Variants in RBPMS observed in about 807,000 individuals in gnomAD.
The protein encoded by RBPMS is RNA binding protein, mRNA processing factor.
A neutral mutation model predicts 26.8 loss-of-function variants in RBPMS; 7 were observed. The ratio of observed to expected loss-of-function variants is 0.26; its 90% confidence interval spans 0.15 to 0.49. RBPMS has a LOEUF of 0.49. Among genes scored for constraint, RBPMS ranks in the 20% least tolerant of loss-of-function variants. RBPMS has a pLI of 0.98. For missense variants in RBPMS, 186 were observed against 250.0 expected, an observed-to-expected ratio of 0.74 and a Z score of 1.73; for synonymous variants, 96 against 93.3, an observed-to-expected ratio of 1.03 and a Z score of -0.17.
intron 1 of RBPMS, among the ~76,000 whole-genome samples, chr8:30,431,687 G>C (rs1362138636): frequency 1.3e-5 from 2 of 152,108 alleles, no homozygotes; most frequent in Non-Finnish European, 2.9e-5. Flanking sequence ...CAGACCTCAG[G>C]TGATCCGGCC....
At chr8:30,460,792 C>T (rs192214619) in intron 1 of RBPMS, among the ~76,000 whole-genome samples, 155 of 152,202 alleles carry the variant, frequency 1.0e-3, no homozygotes, top group African/African-American at 3.6e-3. Context: ...TGTGGTGGCT[C>T]ACGCCTGTAA....
intron 8 of RBPMS, among the ~76,000 whole-genome samples, chr8:30,570,376 A>C (rs1239055585): frequency 6.6e-6 from 1 of 152,242 alleles, no homozygotes; most frequent in Non-Finnish European, 1.5e-5. Context: ...TGACTGAATA[A>C]TACAATATAG....
intron 5 of RBPMS, among the ~76,000 whole-genome samples, chr8:30,529,892 T>C (rs2151008336): frequency 1.3e-5 from 2 of 152,176 alleles, no homozygotes; most frequent in East Asian, 3.9e-4. Flanking sequence ...TAGCTGGGAT[T>C]GCAGGCATGT....
intron 6 of RBPMS, 88 bp downstream of exon 6, chr8:30,544,712 AC>A: frequency 6.2e-7 from 1 of 1,603,620 alleles, no homozygotes; most frequent in Middle Eastern, 1.7e-4. Flanking sequence ...TACAACTAAC[AC>A]CTATCCAGCT....
intron 1 of RBPMS, among the ~76,000 whole-genome samples, chr8:30,389,602 C>T (rs543323266): frequency 6.6e-6 from 1 of 151,852 alleles, no homozygotes; most frequent in Non-Finnish European, 1.5e-5. Flanking sequence ...AGAAATTTAC[C>T]CTAAGAAAAC....
At chr8:30,465,597 G>C (rs1425516132) in intron 1 of RBPMS, among the ~76,000 whole-genome samples, 1 of 152,142 alleles carries the variant, frequency 6.6e-6, no homozygotes, top group Non-Finnish European at 1.5e-5. Flanking sequence ...GACCAGCCTG[G>C]CCAACATGGC....
At chr8:30,458,227 G>T (rs1404593141) in intron 1 of RBPMS, among the ~76,000 whole-genome samples, 1 of 152,032 alleles carries the variant, frequency 6.6e-6, no homozygotes, top group African/African-American at 2.4e-5. Flanking sequence ...GAATATTTTT[G>T]ATCTGTGGTT....
intron 1 of RBPMS, among the ~76,000 whole-genome samples, chr8:30,409,834 C>T (rs10098194): frequency 0.28 from 43,150 of 151,626 alleles, 6,482 homozygotes; most frequent in South Asian, 0.43. Flanking sequence ...GGTTTCACCA[C>T]GTTGGCCAGG....
At chr8:30,487,707 G>A (rs1205234098) in intron 4 of RBPMS, among the ~76,000 whole-genome samples, 1 of 152,002 alleles carries the variant, frequency 6.6e-6, no homozygotes, top group Non-Finnish European at 1.5e-5. Flanking sequence ...TAATAAATAT[G>A]AGACTAGGAG....
intron 1 of RBPMS, among the ~76,000 whole-genome samples, chr8:30,457,583 C>CTTT (rs77253053): frequency 1.1e-4 from 14 of 132,868 alleles, no homozygotes; most frequent in African/African-American, 2.4e-4. Context: ...GATTTACATT[C>CTTT]TTTTTTTTTT....
intron 5 of RBPMS, among the ~76,000 whole-genome samples, chr8:30,530,364 A>AT (rs778063539): frequency 9.2e-5 from 14 of 152,216 alleles, no homozygotes; most frequent in Non-Finnish European, 2.1e-4. Context: ...GGGTCAAGTT[A>AT]TTTAACTTCT....
chr8:30,440,794 C>CTTT (rs34107190), intron 1 of RBPMS, among the ~76,000 whole-genome samples: 5 of 143,586 alleles, frequency 3.5e-5, no homozygotes, highest in South Asian at 2.2e-4. Context: ...ATTTTTTTAA[C>CTTT]TTTTTTTTTT....
At chr8:30,513,140 CAG>C (rs1281331239) in intron 5 of RBPMS, among the ~76,000 whole-genome samples, 2 of 151,910 alleles carry the variant, frequency 1.3e-5, no homozygotes, top group East Asian at 3.9e-4. Context: ...GAAAGTAATG[CAG>C]AGTCTTGGGG....
chr8:30,561,991 G>T (rs890250768), intron 7 of RBPMS: 18 of 985,224 alleles, frequency 1.8e-5, no homozygotes, highest in Non-Finnish European at 2.2e-5. Context: ...CCCTCCTTTG[G>T]AAGTACGGCT....
chr8:30,384,989 C>T lies in RBPMS; in HGVS notation c.-104C>T, dbSNP rs1806837325. On this transcript the variant is annotated 5_prime_UTR_variant, in exon 1 of 9. Transcript: ENST00000397323. The surrounding 1 kb of genome is among the most constrained non-coding windows in gnomAD (Gnocchi z 5.6). ...CCAGCCCCACAGCCCGCGGCGCCCG[C>T]CCGAGGGAGCCCCGGCGCCCGGGGA... 3 of 829,298 alleles carry T rather than the reference C, an allele frequency of 3.6e-6. No individual in the cohort carries two copies. The highest frequency in any genetic ancestry group is 5.1e-6 in the Non-Finnish European group (3 of 589,656). 51.4% of individuals were successfully genotyped at this position (829,298 alleles called of 1,614,324 possible).
intron 4 of RBPMS, among the ~76,000 whole-genome samples, chr8:30,480,229 G>A (rs1475280924): frequency 1.3e-5 from 2 of 152,058 alleles, no homozygotes; most frequent in African/African-American, 2.4e-5. Flanking sequence ...CAAGGCAAGC[G>A]GCCACTTGAC....
chr8:30,481,812 T>C (rs1818310515), intron 4 of RBPMS, among the ~76,000 whole-genome samples: 1 of 152,210 alleles, frequency 6.6e-6, no homozygotes, highest in Non-Finnish European at 1.5e-5. Context: ...GTTTTGAACT[T>C]TTCTATGTAA....
At chr8:30,506,161 CA>C (rs1364930959) in intron 5 of RBPMS, among the ~76,000 whole-genome samples, 5 of 152,022 alleles carry the variant, frequency 3.3e-5, no homozygotes, top group African/African-American at 1.2e-4. Flanking sequence ...ACAAACTGGA[CA>C]TTCACAAGTC....
intron 1 of RBPMS, among the ~76,000 whole-genome samples, chr8:30,471,924 A>G (rs900806845): frequency 2.0e-5 from 3 of 152,152 alleles, no homozygotes; most frequent in African/African-American, 7.2e-5. Flanking sequence ...AGATCATTCC[A>G]CCCAGCCCCA....
Sources: gnomAD v4.1 joint callset for allele counts (sites outside exome capture counted in the v4.1 genomes callset) on GRCh38, gnomAD v4.1.1 for gene constraint, Gnocchi (gnomAD v3.1) non-coding constraint, MANE v1.5 for transcripts, NCBI Gene and HGNC (gene_info 2026-07-23, HGNC 2026-07-21) for gene names.